The following GIGYF1 variants were observed in gnomAD, a reference collection of about 807,000 sequenced individuals.
GIGYF1 encodes the protein GRB10 interacting GYF protein 1, also known as GRB10-interacting GYF protein 1.
In GIGYF1, 84 loss-of-function variants were observed where a neutral mutation model predicts 147.1. That is an observed-to-expected ratio of 0.57 (90% CI 0.48 to 0.68). The LOEUF is 0.68. Among genes scored for constraint, GIGYF1 ranks in the 30% least tolerant of loss-of-function variants. The pLI is 0.00. For missense variants in GIGYF1, 1,485 were observed against 1,393.7 expected (o/e 1.07, Z -1.04); for synonymous variants, 752 against 589.5 (o/e 1.28, Z -3.99).
Position 100,687,990 on chromosome 7 carries a change from C to G in GIGYF1, c.156G>C (p.Lys52Asn). 6.2e-7 allele frequency: 1 copy of G among 1,612,586 alleles called. No homozygotes were observed. Among genetic ancestry groups the G allele is most frequent in the South Asian group, 1.1e-5 (1 of 90,920 alleles). Residue 52 changes from lysine to asparagine, a missense_variant, in exon 5 of 27, where the codon AAG becomes AAC. Coordinates refer to ENST00000678049, the MANE Select transcript of GIGYF1 (RefSeq NM_001375765.1). ...GREEMLALYV[K>N]ENKVPEELQD... ...TCGCCCACGCACCCACCTTGTTCTC[C>G]TTGACGTAGAGAGCCAGCATTTCCT...
In GIGYF1 at chr7:100,687,049, G is replaced by A; in HGVS notation, c.483-3C>T. The A allele has an allele frequency of 6.2e-7, 1 of 1,613,864 alleles. No homozygotes were observed. The highest frequency in any genetic ancestry group is 1.6e-4 in the Middle Eastern group (1 of 6,062). On this transcript the variant is annotated splice_region_variant and splice_polypyrimidine_tract_variant and intron_variant, in intron 8 of 26. Transcript: ENST00000678049. Reference sequence around the variant, plus strand: ...ACTTCTCAAACCGCCTCTCGCCTCTGCAGCAGGGGAAACGTGTGGGTCAGA... The same window carrying A: ...ACTTCTCAAACCGCCTCTCGCCTCTACAGCAGGGGAAACGTGTGGGTCAGA...
chr7:100,690,236 C>T (rs2131399035), intron 1 of GIGYF1, among the ~76,000 whole-genome samples: 1 of 152,348 alleles, frequency 6.6e-6, no homozygotes, highest in East Asian at 1.9e-4. Context: ...AAACACCCCA[C>T]ATTCCTTCAA....
chr7:100,682,955 T>C (rs1804929589), intron 22 of GIGYF1, 57 bp downstream of exon 22: 1 of 1,385,620 alleles, frequency 7.2e-7, no homozygotes, highest in Admixed American at 2.7e-5. Context: ...AGTATCCCCC[T>C]CCCTGTGCCA....
Position 100,681,660 on chromosome 7 carries a change from C to A in GIGYF1, c.*59G>T, listed in dbSNP as rs1447243037. ...CGGGGAGCCTGCAGGCTGGGACCCT[C>A]GGTCCACGCCGCTGTGGCTGCCCTG... On this transcript the variant is annotated 3_prime_UTR_variant, in exon 27 of 27. Transcript: ENST00000678049. 1 of 1,474,432 alleles carries A rather than the reference C, an allele frequency of 6.8e-7. No individual in the cohort carries two copies. The highest frequency in any genetic ancestry group is 1.4e-5 in the South Asian group (1 of 73,354). The allele number at this position is 1,474,432 out of a possible 1,614,324, so 91.3% of individuals were successfully genotyped here.
chr7:100,684,958 G>T, intron 14 of GIGYF1, 64 bp from the exon 15 acceptor site: 1 of 1,585,826 alleles, frequency 6.3e-7, no homozygotes. Flanking sequence ...GATGGGGATG[G>T]GGATGGAGCT....
At chr7:100,692,751 G>C (rs1345798870) in intron 1 of GIGYF1, among the ~76,000 whole-genome samples, 1 of 152,328 alleles carries the variant, frequency 6.6e-6, no homozygotes, top group East Asian at 1.9e-4. Context: ...CTGGTCCCCA[G>C]GCAATGGCAG....
chr7:100,692,575 G>T (rs1805909469), intron 1 of GIGYF1, among the ~76,000 whole-genome samples: 1 of 152,138 alleles, frequency 6.6e-6, no homozygotes, highest in Non-Finnish European at 1.5e-5. Context: ...CTCTAAAGTG[G>T]GCTATTTTTC....
At position 100,682,387 on chromosome 7, in the gene GIGYF1, TG is replaced by T; in HGVS notation, c.2695del (p.Gln899ArgfsTer15). ...LKLLQGIPRPQDGFTQWCEQM... is the reference protein window; with the variant it reads ...LKLLQGIPRPXDGFTQWCEQM... ...CTCGCACCACTGGGTGAAGCCGTCC[TG>T]GGGCCTGGGAATGCCCTGCAGCAGC... is the stretch of plus-strand genomic sequence containing the variant. On this transcript the variant is annotated frameshift_variant, in exon 24 of 27. Transcript: ENST00000678049. LOFTEE classifies it high-confidence loss of function. The T allele has an allele frequency of 6.2e-7, 1 of 1,613,744 alleles. No homozygotes were observed. The highest frequency in any genetic ancestry group is 8.5e-7 in the Non-Finnish European group (1 of 1,179,982).
At position 100,683,095 on chromosome 7, in the gene GIGYF1, A is replaced by C. The variant is rs1326894023; in HGVS notation, c.2329T>G (p.Leu777Val). The change falls in exon 22 of 27, where the codon TTG (leucine) becomes GTG (valine). Residue 777 changes from leucine (L) to valine (V), a missense_variant. Leu to Val is a conservative substitution (Grantham distance 32). Transcript: ENST00000678049. ...QGLSMKTLLE[L>V]QLEGERQLHK... is the part of the protein sequence containing the mutation. Reference sequence around the variant, plus strand: ...AGCTGCCGCTCGCCCTCCAGCTGCAACTCCAGGAGCGTCTTCATGGACAGC... The same window carrying C: ...AGCTGCCGCTCGCCCTCCAGCTGCACCTCCAGGAGCGTCTTCATGGACAGC... 1 of 1,588,790 alleles carries C rather than the reference A, an allele frequency of 6.3e-7. No individual in the cohort carries two copies. Among genetic ancestry groups the C allele is most frequent in the Non-Finnish European group, 8.5e-7 (1 of 1,172,986 alleles).
Position 100,687,551 on chromosome 7 carries a change from G to T in GIGYF1, c.327C>A (p.Pro109=). Reference sequence around the variant, plus strand: ...TGCCTCGGGAGGTGCCAGCCAGGGGGGGGCCAGCCCCTTTCCCCATCAGCC... The same window carrying T: ...TGCCTCGGGAGGTGCCAGCCAGGGGTGGGCCAGCCCCTTTCCCCATCAGCC... ...VLRLMGKGAG[P]PLAGTSRGRG... Residue 109 remains proline (P), a synonymous_variant, in exon 7 of 27, where the codon CCC becomes CCA. Coordinates refer to ENST00000678049, the MANE Select transcript of GIGYF1 (RefSeq NM_001375765.1). 6.2e-7 allele frequency: 1 copy of T among 1,612,694 alleles called. No homozygotes were observed. The highest frequency in any genetic ancestry group is 1.1e-5 in the South Asian group (1 of 91,060).
chr7:100,685,588 C>A (rs1303421703), intron 12 of GIGYF1, 107 bp from the exon 13 acceptor site: 68 of 1,240,734 alleles, frequency 5.5e-5, no homozygotes, highest in Admixed American at 1.8e-4. Context: ...CTCCCTTAGG[C>A]CGAGTCCACC....
At chr7:100,684,202 G>C in intron 17 of GIGYF1, 35 bp downstream of exon 17, 1 of 1,609,626 alleles carries the variant, frequency 6.2e-7, no homozygotes, top group Non-Finnish European at 8.5e-7. Context: ...AGCCAGCGCC[G>C]GGCCTTCTCC....
chr7:100,693,501 G>A (rs530844424), intron 1 of GIGYF1, among the ~76,000 whole-genome samples: 1 of 152,292 alleles, frequency 6.6e-6, no homozygotes, highest in African/African-American at 2.4e-5. Flanking sequence ...GGAAACAGAG[G>A]TGAGGAGGAC....
chr7:100,685,552 G>C (rs1365421984), intron 12 of GIGYF1, 71 bp from the exon 13 acceptor site: 3 of 1,549,314 alleles, frequency 1.9e-6, no homozygotes, highest in Non-Finnish European at 1.7e-6. Context: ...ACAAGCCCTT[G>C]AGTGTGGCTG....
Position 100,687,770 on chromosome 7 carries a change from C to T in GIGYF1, c.261+18G>A, listed in dbSNP as rs752313004. Reference sequence around the variant, plus strand: ...CCCTCCCAGGCTCCCGCAGCCTCAGCTCCTGGCCCGGTCCCACCTGTTCCT... The same window carrying T: ...CCCTCCCAGGCTCCCGCAGCCTCAGTTCCTGGCCCGGTCCCACCTGTTCCT... On this transcript the variant is annotated intron_variant, in intron 6 of 26. Transcript: ENST00000678049. The T allele has an allele frequency of 1.9e-6, 3 of 1,610,206 alleles. No individual in the cohort carries two copies. Among genetic ancestry groups the T allele is most frequent in the African/African-American group, 2.7e-5 (2 of 74,788 alleles).
In GIGYF1 at chr7:100,682,429, T is replaced by A; in HGVS notation, c.2654A>T (p.Glu885Val). 1 of 1,613,620 alleles carries A rather than the reference T, an allele frequency of 6.2e-7. No homozygotes were observed. Among genetic ancestry groups the A allele is most frequent in the Non-Finnish European group, 8.5e-7 (1 of 1,179,982 alleles). Reference protein sequence around the residue: ...GRPIRKKTEEEEKLLKLLQGI... With the variant: ...GRPIRKKTEEVEKLLKLLQGI... Reference sequence around the variant, plus strand: ...CTGCAGCAGCTTCAGCAGCTTCTCTTCTTCCTCCGTCTTTTTGCGAATGGG... The same window carrying A: ...CTGCAGCAGCTTCAGCAGCTTCTCTACTTCCTCCGTCTTTTTGCGAATGGG... Residue 885 changes from glutamate to valine, a missense_variant, in exon 24 of 27, where the codon GAA becomes GTA. Coordinates refer to ENST00000678049, the MANE Select transcript of GIGYF1 (RefSeq NM_001375765.1).
chr7:100,686,542 C>T (rs910251111), intron 10 of GIGYF1, 107 bp downstream of exon 10: 3 of 1,521,146 alleles, frequency 2.0e-6, no homozygotes, highest in Non-Finnish European at 2.6e-6. Context: ...CGGCCACTCC[C>T]ACACCAGCCA....
chr7:100,687,151 G>C, intron 8 of GIGYF1, 105 bp from the exon 9 acceptor site: 2 of 1,533,218 alleles, frequency 1.3e-6, no homozygotes, highest in Non-Finnish European at 1.8e-6. Flanking sequence ...GTGGAGGGAG[G>C]AAGGGGACAA....
chr7:100,684,388 T>C, intron 16 of GIGYF1, 51 bp from the exon 17 acceptor site: 1 of 1,602,000 alleles, frequency 6.2e-7, no homozygotes, highest in Non-Finnish European at 8.5e-7. Flanking sequence ...GAGGGGACTC[T>C]GCTGGACTCC....
Sources: allele counts gnomAD v4.1 joint callset (sites outside exome capture counted in the v4.1 genomes callset), GRCh38; gene constraint gnomAD v4.1.1; transcripts MANE v1.5; gene names NCBI Gene and HGNC (gene_info 2026-07-23, HGNC 2026-07-21).